The following EXOC6 variants were observed in gnomAD, a reference collection of about 807,000 sequenced individuals.
EXOC6 encodes exocyst complex component 6, also known as SEC15-like 1.
A neutral mutation model predicts 112.5 loss-of-function variants in EXOC6; 60 were observed. That is an observed-to-expected ratio of 0.53 (90% CI 0.43 to 0.66). The LOEUF is 0.66. Among genes scored for constraint, EXOC6 ranks in the 30% least tolerant of loss-of-function variants. The pLI, the probability that EXOC6 is intolerant of heterozygous loss-of-function variation, is 0.00. For synonymous variants in EXOC6, 295 were observed against 308.0 expected, an observed-to-expected ratio of 0.96 and a Z score of 0.44; for missense variants, 855 against 957.1, an observed-to-expected ratio of 0.89 and a Z score of 1.41.
chr10:92,851,266 G>GAACTC, intron 1 of EXOC6, among the ~76,000 whole-genome samples: 1 of 152,314 alleles, frequency 6.6e-6, no homozygotes, highest in South Asian at 2.1e-4. Flanking sequence ...CAGAAATACA[G>GAACTC]AAAGTCAGTG....
chr10:92,916,095 A>AGGG, intron 7 of EXOC6, 182 bp downstream of exon 7: 1 of 452,316 alleles, frequency 2.2e-6, no homozygotes, highest in Non-Finnish European at 3.9e-6. Flanking sequence ...AAGGCCGTGA[A>AGGG]GGGAGGGCTG....
At position 92,934,328 on chromosome 10, in the gene EXOC6, T is replaced by G; in HGVS notation, c.1038T>G (p.Asp346Glu). Residue 346 changes from aspartate to glutamate, a missense_variant, in exon 11 of 22, where the codon GAT becomes GAG. Physicochemically the swap from Asp to Glu is conservative, Grantham distance 45. Transcript: ENST00000260762. ...TQIVGFFVVE[D>E]HILHVTQGLV... ...TTTTTAGGTTCTTTGTGGTAGAAGA[T>G]CACATTTTACATGTGACCCAAGGAT... is the stretch of plus-strand genomic sequence containing the variant. 1 of 1,585,268 alleles carries G rather than the reference T, an allele frequency of 6.3e-7. No homozygotes were observed. The highest frequency in any genetic ancestry group is 8.5e-7 in the Non-Finnish European group (1 of 1,170,782).
intron 11 of EXOC6, 23 bp downstream of exon 11, chr10:92,934,453 C>A: frequency 6.5e-7 from 1 of 1,527,046 alleles, no homozygotes; most frequent in South Asian, 1.3e-5. Context: ...ATTTACATTA[C>A]TAAAATTTTA....
intron 1 of EXOC6, among the ~76,000 whole-genome samples, chr10:92,870,299 G>T (rs1246969778): frequency 6.6e-6 from 1 of 152,082 alleles, no homozygotes; most frequent in Non-Finnish European, 1.5e-5. Flanking sequence ...ATCATGTTAA[G>T]GAAGTATTCA....
intron 1 of EXOC6, among the ~76,000 whole-genome samples, chr10:92,829,272 C>T (rs959745610): frequency 2.6e-5 from 4 of 152,128 alleles, no homozygotes; most frequent in South Asian, 2.1e-4. Flanking sequence ...CCAATCTGTG[C>T]GCCCTATGCA....
intron 8 of EXOC6, among the ~76,000 whole-genome samples, chr10:92,924,338 A>G (rs78271662): frequency 0.015 from 2,281 of 152,326 alleles, 53 homozygotes; most frequent in African/African-American, 0.052. Flanking sequence ...GCCAAATGAT[A>G]TGGGTTAGTA....
chr10:92,902,128 A>G (rs1354134002), intron 5 of EXOC6, among the ~76,000 whole-genome samples: 1 of 151,918 alleles, frequency 6.6e-6, no homozygotes, highest in Non-Finnish European at 1.5e-5. Context: ...TTTGTGACCT[A>G]CCTTTTCTCT....
chr10:92,920,105 T>C, intron 8 of EXOC6, 55 bp downstream of exon 8: 2 of 1,145,474 alleles, frequency 1.7e-6, no homozygotes, highest in Non-Finnish European at 1.2e-6. Flanking sequence ...AAAAGGCATG[T>C]ATGTATTTTA....
In EXOC6 at chr10:92,896,071, G is replaced by GTGTATGTGTATA. The variant is rs1564809481; in HGVS notation, c.412+1052_412+1053insGTATGTGTATAT. On this transcript the variant is annotated intron_variant, in intron 4 of 21. Transcript: ENST00000260762. Reference sequence around the variant, plus strand: ...TGTATATATATGTGTATATATATGTGTATATATATGTGTATATATATATGT... The same window carrying GTGTATGTGTATA: ...TGTATATATATGTGTATATATATGTGTGTATGTGTATATATATATATGTGTATATATATATGT... Among the ~76,000 whole-genome samples the GTGTATGTGTATA allele has an allele frequency of 1.6e-4, 10 of 62,674 alleles. 1 individual carries two copies. The East Asian group carries it at 0.012, about 78-fold the overall frequency. The allele number at this position is 62,674 out of a possible 152,430, so 41.1% of individuals were successfully genotyped here.
chr10:92,835,548 T>C (rs890669292), intron 1 of EXOC6, among the ~76,000 whole-genome samples: 28 of 152,308 alleles, frequency 1.8e-4, no homozygotes, highest in Admixed American at 1.6e-3. Flanking sequence ...TAAATATTTG[T>C]TGACTAATAT....
chr10:92,976,087 C>T (rs975357043), intron 18 of EXOC6, among the ~76,000 whole-genome samples: 3 of 150,136 alleles, frequency 2.0e-5, no homozygotes, highest in African/African-American at 7.3e-5. Flanking sequence ...CCGCCCCGCC[C>T]GGGAGGTGAG....
intron 12 of EXOC6, among the ~76,000 whole-genome samples, chr10:92,938,147 AG>A (rs1436280201): frequency 1.3e-5 from 2 of 152,172 alleles, no homozygotes; most frequent in African/African-American, 4.8e-5. Flanking sequence ...TATGGTACCA[AG>A]GAATTCTCCA....
At chr10:92,930,589 A>G (rs1364782804) in intron 9 of EXOC6, among the ~76,000 whole-genome samples, 14 of 152,102 alleles carry the variant, frequency 9.2e-5, no homozygotes, top group African/African-American at 2.4e-5. Context: ...TAAATGATCC[A>G]TATGCAAAAA....
chr10:93,044,964 C>T (rs1015243082), intron 20 of EXOC6, among the ~76,000 whole-genome samples: 1 of 152,118 alleles, frequency 6.6e-6, no homozygotes, highest in Non-Finnish European at 1.5e-5. Flanking sequence ...CCTCCACCTC[C>T]TGGGTTCAAG....
intron 17 of EXOC6, among the ~76,000 whole-genome samples, chr10:92,969,096 A>AT (rs1173103701): frequency 1.3e-5 from 2 of 152,172 alleles, no homozygotes; most frequent in African/African-American, 4.8e-5. Flanking sequence ...AGTAAAAATC[A>AT]TTTGAGACTT....
chr10:92,928,227 C>T (rs1851830509), intron 8 of EXOC6, 112 bp from the exon 9 acceptor site: 1 of 578,728 alleles, frequency 1.7e-6, no homozygotes, highest in East Asian at 2.9e-5. Flanking sequence ...TGCTATTAAA[C>T]ATTTACATTC....
chr10:92,948,236 T>C (rs1391120532), intron 13 of EXOC6, 38 bp from the exon 14 acceptor site: 1 of 1,337,086 alleles, frequency 7.5e-7, no homozygotes. Flanking sequence ...AATAATATGC[T>C]TTGTAATGAT....
intron 20 of EXOC6, among the ~76,000 whole-genome samples, chr10:93,040,762 A>G (rs561559108): frequency 8.5e-5 from 13 of 152,176 alleles, no homozygotes; most frequent in Admixed American, 7.9e-4. Flanking sequence ...CCCATATCCT[A>G]TTGGTTCTTT....
intron 17 of EXOC6, among the ~76,000 whole-genome samples, chr10:92,967,739 T>C (rs1268658607): frequency 6.6e-6 from 1 of 152,130 alleles, no homozygotes; most frequent in Non-Finnish European, 1.5e-5. Context: ...CAGCGAAAGA[T>C]AGGAGCAATC....
Sources: allele counts gnomAD v4.1 joint callset (sites outside exome capture counted in the v4.1 genomes callset), GRCh38; gene constraint gnomAD v4.1.1; transcripts MANE v1.5; gene names NCBI Gene and HGNC (gene_info 2026-07-23, HGNC 2026-07-21).